LARP4: variants seen among roughly 807,000 people sequenced by gnomAD.
LARP4 encodes La ribonucleoprotein 4.
Under a neutral mutation model 92.9 loss-of-function variants are expected in LARP4, and 29 were observed. The ratio of observed to expected loss-of-function variants is 0.31; its 90% confidence interval spans 0.23 to 0.43. LARP4 has a LOEUF of 0.43. Ranked by LOEUF, LARP4 falls within the 20% of genes least tolerant of loss-of-function variation. The probability of loss-of-function intolerance (pLI) is 1.00; values close to 1 mark genes in which losing one functional copy is unlikely to be tolerated. For missense variants in LARP4, 732 were observed against 860.0 expected, an observed-to-expected ratio of 0.85 and a Z score of 1.86; for synonymous variants, 279 against 284.1, an observed-to-expected ratio of 0.98 and a Z score of 0.18.
chr12:50,401,100 G>T (rs1422146517), intron 1 of LARP4, 72 bp downstream of exon 1: 1 of 1,563,676 alleles, frequency 6.4e-7, no homozygotes, highest in African/African-American at 1.4e-5. Flanking sequence ...CGGTCCCACC[G>T]CCATGTGACT....
chr12:50,467,247 C>T, intron 13 of LARP4, 127 bp downstream of exon 13: 1 of 660,854 alleles, frequency 1.5e-6, no homozygotes, highest in Admixed American at 3.1e-5. Context: ...ATGGAGTTTT[C>T]AGCATACTTA....
chr12:50,461,036 GA>G, intron 10 of LARP4, 98 bp from the exon 11 acceptor site: 1 of 852,242 alleles, frequency 1.2e-6, no homozygotes, highest in Non-Finnish European at 1.9e-6. Flanking sequence ...TTAATTTTTT[GA>G]AAACCCCAGT....
chr12:50,416,970 TAAAAC>T (rs1335058434), intron 1 of LARP4, among the ~76,000 whole-genome samples: 6 of 151,718 alleles, frequency 4.0e-5, no homozygotes, highest in Admixed American at 6.6e-5. Context: ...GTTTCAAAAA[TAAAAC>T]AAAACTCTTC....
At chr12:50,472,483 G>C (rs1256408022) in intron 13 of LARP4, among the ~76,000 whole-genome samples, 1 of 151,084 alleles carries the variant, frequency 6.6e-6, no homozygotes, top group Admixed American at 6.6e-5. Context: ...TGTTGAGCGT[G>C]AGTCAAGATT....
At chr12:50,474,719 A>G (rs1283506169) in intron 15 of LARP4, among the ~76,000 whole-genome samples, 1 of 152,074 alleles carries the variant, frequency 6.6e-6, no homozygotes, top group Admixed American at 6.6e-5. Flanking sequence ...CCACGTTAGG[A>G]TGAATTTATC....
intron 12 of LARP4, among the ~76,000 whole-genome samples, chr12:50,463,836 C>T (rs891729767): frequency 3.9e-5 from 6 of 152,118 alleles, no homozygotes; most frequent in Admixed American, 6.6e-5. Flanking sequence ...TGTGAGGGCT[C>T]CAGCCCCGTA....
intron 3 of LARP4, among the ~76,000 whole-genome samples, chr12:50,429,342 G>C (rs970970002): frequency 1.3e-5 from 2 of 152,094 alleles, no homozygotes; most frequent in Admixed American, 1.3e-4. Context: ...AGGCGGGGTG[G>C]CTCATGCCTG....
chr12:50,414,140 A>G (rs536905487), intron 1 of LARP4, among the ~76,000 whole-genome samples: 1 of 152,332 alleles, frequency 6.6e-6, no homozygotes, highest in South Asian at 2.1e-4. Context: ...TCAAAATAGT[A>G]TTGAATCTGG....
chr12:50,467,253 A>G, intron 13 of LARP4, 133 bp downstream of exon 13: 1 of 620,758 alleles, frequency 1.6e-6, no homozygotes, highest in Non-Finnish European at 2.6e-6. Flanking sequence ...TTTTCAGCAT[A>G]CTTAGAGTGT....
chr12:50,429,282 T>C (rs1327849527), intron 3 of LARP4, among the ~76,000 whole-genome samples, 192 bp downstream of exon 3: 1 of 152,184 alleles, frequency 6.6e-6, no homozygotes, highest in African/African-American at 2.4e-5. Context: ...TAAGATTGTT[T>C]ATGAGGGTTC....
chr12:50,440,757 G>A (rs1433404739), intron 7 of LARP4, among the ~76,000 whole-genome samples: 2 of 152,024 alleles, frequency 1.3e-5, no homozygotes, highest in Admixed American at 6.6e-5. Flanking sequence ...GTTTTCTGTC[G>A]ATAAGAATAT....
At position 50,436,178 on chromosome 12, in the gene LARP4, A is replaced by G. The variant is rs778424467; in HGVS notation, c.535+554A>G. On this transcript the variant is annotated intron_variant, in intron 5 of 15. Transcript: ENST00000398473. ...GGGGTGTGTGTGTGTGTGTATGTAT[A>G]TATATATATATATATATCCCGCTAC... Among the ~76,000 whole-genome samples the G allele has an allele frequency of 4.7e-4, 66 of 141,566 alleles. 1 individual carries two copies. The highest frequency in any genetic ancestry group is 7.2e-3 in the Middle Eastern group (2 of 276). The allele number at this position is 141,566 out of a possible 152,430, so 92.9% of individuals were successfully genotyped here.
intron 3 of LARP4, 98 bp from the exon 4 acceptor site, chr12:50,430,397 G>T: frequency 3.1e-6 from 2 of 643,262 alleles, no homozygotes; most frequent in Non-Finnish European, 5.6e-6. Context: ...AATTTTGATT[G>T]TAGATACTTT....
At chr12:50,401,129 G>A in intron 1 of LARP4, 101 bp downstream of exon 1, 3 of 1,358,394 alleles carry the variant, frequency 2.2e-6, no homozygotes, top group Non-Finnish European at 3.2e-6. Context: ...CGTACACGCC[G>A]CGGAACCGGC....
intron 13 of LARP4, among the ~76,000 whole-genome samples, 173 bp downstream of exon 13, chr12:50,467,293 A>G (rs536609819): frequency 2.6e-5 from 4 of 151,730 alleles, no homozygotes; most frequent in Admixed American, 2.0e-4. Context: ...GAAGCTGCAC[A>G]AAGGCAATAA....
chr12:50,443,414 G>A (rs946559599), intron 8 of LARP4, among the ~76,000 whole-genome samples: 1 of 151,980 alleles, frequency 6.6e-6, no homozygotes, highest in Non-Finnish European at 1.5e-5. Context: ...GGGACCACAG[G>A]TGCACACCAT....
rs543516004 is a variant in LARP4, at chr12:50,454,452, A to T, written c.1121+35A>T. Reference sequence around the variant, plus strand: ...AAACCATAGCTGTAATGTATTTTAAACAATTCCTAATGGATCTTAAGGCAT... The same window carrying T: ...AAACCATAGCTGTAATGTATTTTAATCAATTCCTAATGGATCTTAAGGCAT... On this transcript the variant is annotated intron_variant, in intron 10 of 15. Transcript: ENST00000398473. The T allele has an allele frequency of 6.8e-6, 10 of 1,461,394 alleles. No homozygotes were observed. The South Asian group carries it at 1.2e-4, about 17-fold the overall frequency. 90.5% of individuals were successfully genotyped at this position (1,461,394 alleles called of 1,614,324 possible).
At position 50,437,799 on chromosome 12, in the gene LARP4, T is replaced by C. The variant is rs1349932662; in HGVS notation, c.600T>C (p.Ile200=). The change falls in exon 6 of 16, where the codon ATT becomes ATC. Residue 200 remains isoleucine (I), a synonymous_variant. Coordinates refer to ENST00000398473, the MANE Select transcript of LARP4 (RefSeq NM_052879.5). ...TGAGACCAAGTCATAAGCGTTGTATTGTAATTCTTAGAGAGATTCCTGAAA... is the reference window on the plus strand; with the variant it reads ...TGAGACCAAGTCATAAGCGTTGTATCGTAATTCTTAGAGAGATTCCTGAAA... ...EKVRPSHKRC[I]VILREIPETT... 1 of 1,610,464 alleles carries C rather than the reference T, an allele frequency of 6.2e-7. No individual in the cohort carries two copies. The highest frequency in any genetic ancestry group is 1.7e-5 in the Admixed American group (1 of 59,984).
chr12:50,467,345 T>A (rs1437130379), intron 13 of LARP4, among the ~76,000 whole-genome samples: 1 of 151,754 alleles, frequency 6.6e-6, no homozygotes, highest in East Asian at 1.9e-4. Flanking sequence ...TTTTTTTTTT[T>A]AAAGACATGA....
Sources: gnomAD v4.1 joint callset for allele counts (sites outside exome capture counted in the v4.1 genomes callset) on GRCh38, gnomAD v4.1.1 for gene constraint, MANE v1.5 for transcripts, NCBI Gene and HGNC (gene_info 2026-07-23, HGNC 2026-07-21) for gene names.